SLC25A37: variants seen among roughly 807,000 people sequenced by gnomAD.
SLC25A37 encodes mitoferrin-1.
A neutral mutation model predicts 31.0 loss-of-function variants in SLC25A37; 17 were observed. That is an observed-to-expected ratio of 0.55 (90% CI 0.38 to 0.82). The LOEUF (loss-of-function observed/expected upper bound fraction) is 0.82, where lower values mean the gene tolerates loss of function less well. SLC25A37 is among the 40% of genes least tolerant of loss of function. The pLI is 0.00. For missense variants in SLC25A37, 404 were observed against 465.8 expected (o/e 0.87, Z 1.22); for synonymous variants, 222 against 193.0 (o/e 1.15, Z -1.24).
intron 1 of SLC25A37, among the ~76,000 whole-genome samples, chr8:23,531,016 G>T (rs936548083): frequency 4.6e-5 from 7 of 152,182 alleles, no homozygotes; most frequent in Admixed American, 1.3e-4. Flanking sequence ...GTTTTCACCT[G>T]TGGACAGGTT....
chr8:23,529,298 G>C lies in SLC25A37; in HGVS notation c.210+86G>C. ...GCATCCCGCGCGCCGGCAGCCTCGG[G>C]GCAGCGTCCCGAAACCGAGCTCTCC... is the stretch of plus-strand genomic sequence containing the variant. On this transcript the variant is annotated intron_variant, in intron 1 of 3. Transcript: ENST00000519973. This position sits in a 1 kb window ranked among gnomAD's most constrained non-coding sequence, Gnocchi z 4.1. 1 of 1,362,604 alleles carries C rather than the reference G, an allele frequency of 7.3e-7. No individual in the cohort carries two copies. The highest frequency in any genetic ancestry group is 9.9e-7 in the Non-Finnish European group (1 of 1,013,646). The allele number at this position is 1,362,604 out of a possible 1,614,324, so 84.4% of individuals were successfully genotyped here.
chr8:23,573,684 T>C lies in SLC25A37; in HGVS notation c.*1829T>C. On this transcript the variant is annotated 3_prime_UTR_variant, in exon 4 of 4. Coordinates refer to ENST00000519973, the MANE Select transcript of SLC25A37 (RefSeq NM_016612.4). ...GAAGAATTTTATCAGTCAGTGGAGT[T>C]CCTTTTTCAGATCAGGGATGGGAAA... 1 of 423,948 alleles carries C rather than the reference T, an allele frequency of 2.4e-6. No individual in the cohort carries two copies. Among genetic ancestry groups the C allele is most frequent in the Non-Finnish European group, 4.9e-6 (1 of 205,122 alleles). The allele number at this position is 423,948 out of a possible 1,614,324, so 26.3% of individuals were successfully genotyped here.
rs188922556 is a variant in SLC25A37, at chr8:23,568,198, C to T, written c.440-124C>T. ...TTTTAAGAGTCAGTGCTCACCTGGG[C>T]GGAGCTGGTAGTACATTTTGCTTCT... is the stretch of plus-strand genomic sequence containing the variant. On this transcript the variant is annotated intron_variant, in intron 2 of 3. Coordinates refer to ENST00000519973, the MANE Select transcript of SLC25A37 (RefSeq NM_016612.4). 543 of 936,224 alleles carry T rather than the reference C, an allele frequency of 5.8e-4. 5 individuals carry two copies. In the East Asian group the frequency reaches 9.7e-3, roughly 17 times the overall value. 58.0% of individuals were successfully genotyped at this position (936,224 alleles called of 1,614,324 possible). A position where few individuals can be genotyped will look rare whatever the true frequency, so the allele number is the denominator to read the frequency against.
chr8:23,548,689 C>CTA (rs1183450649), intron 1 of SLC25A37, among the ~76,000 whole-genome samples: 1 of 152,106 alleles, frequency 6.6e-6, no homozygotes, highest in Non-Finnish European at 1.5e-5. Context: ...AGGCTGGTCT[C>CTA]AAATTCCCGA....
Position 23,573,766 on chromosome 8 carries a change from T to G in SLC25A37, c.*1911T>G. 4.4e-6 allele frequency: 2 copies of G among 455,344 alleles called. No individual in the cohort carries two copies. The highest frequency in any genetic ancestry group is 3.1e-5 in the South Asian group (2 of 64,488). 28.2% of individuals were successfully genotyped at this position (455,344 alleles called of 1,614,324 possible). ...CGTGAACAGCCCTTTGCAGCTGGGC[T>G]GTGGGGCTTGGCTGCTGCCCTGTCC... On this transcript the variant is annotated 3_prime_UTR_variant, in exon 4 of 4. Coordinates refer to ENST00000519973, the MANE Select transcript of SLC25A37 (RefSeq NM_016612.4).
intron 2 of SLC25A37, chr8:23,568,039 A>C: frequency 2.1e-6 from 1 of 470,872 alleles, no homozygotes; most frequent in East Asian, 4.3e-5. Flanking sequence ...GGAACCACCA[A>C]CACTTGCAGG....
In SLC25A37 at chr8:23,573,543, C is replaced by T. The variant is rs911191815; in HGVS notation, c.*1688C>T. 3 of 263,988 alleles carry T rather than the reference C, an allele frequency of 1.1e-5. No homozygotes were observed. Among genetic ancestry groups the T allele is most frequent in the Admixed American group, 4.6e-5 (1 of 21,614 alleles). The allele number at this position is 263,988 out of a possible 1,614,324, so 16.4% of individuals were successfully genotyped here. A position where few individuals can be genotyped will look rare whatever the true frequency, so the allele number is the denominator to read the frequency against. ...AGCGTGGTGCATCTTACCGAGGAGG[C>T]GCAGGCCTGGATTCTTTTGAGTGGT... On this transcript the variant is annotated 3_prime_UTR_variant, in exon 4 of 4. Transcript: ENST00000519973.
chr8:23,546,963 C>G (rs960574129), intron 1 of SLC25A37, among the ~76,000 whole-genome samples: 1 of 152,042 alleles, frequency 6.6e-6, no homozygotes, highest in Admixed American at 6.5e-5. Context: ...CTGCTCCCCC[C>G]ACAGGCTTCT....
Position 23,568,665 on chromosome 8 carries a change from G to A in SLC25A37, c.496+287G>A, listed in dbSNP as rs566316426. 3 of 424,956 alleles carry A rather than the reference G, an allele frequency of 7.1e-6. No individual in the cohort carries two copies. The East Asian group carries it at 1.4e-4, about 20-fold the overall frequency. 26.3% of individuals were successfully genotyped at this position (424,956 alleles called of 1,614,324 possible). On this transcript the variant is annotated intron_variant, in intron 3 of 3. Transcript: ENST00000519973. ...TTGGAAATGCTAATTCTGAGGCTGG[G>A]TGCAGTGGCTCATGCCTGTAATCCC...
chr8:23,552,181 G>C (rs1423583371), intron 1 of SLC25A37, among the ~76,000 whole-genome samples: 1 of 152,148 alleles, frequency 6.6e-6, no homozygotes, highest in Non-Finnish European at 1.5e-5. Context: ...ATTAACCTAG[G>C]TGGTGGTTTT....
At chr8:23,569,906 C>T (rs1471355958) in intron 3 of SLC25A37, among the ~76,000 whole-genome samples, 1 of 152,172 alleles carries the variant, frequency 6.6e-6, no homozygotes, top group African/African-American at 2.4e-5. Context: ...GAAAATAGTT[C>T]CTGGCCAGAA....
rs868678214 is a variant in SLC25A37 at position 23,573,732 on chromosome 8, C to T, written c.*1877C>T. ...AAAGAGCCAAACTGGGTACCTCCCA[C>T]GTGTGCCCCGTGAACAGCCCTTTGC... On this transcript the variant is annotated 3_prime_UTR_variant, in exon 4 of 4. Coordinates refer to ENST00000519973, the MANE Select transcript of SLC25A37 (RefSeq NM_016612.4). 1.3e-5 allele frequency: 6 copies of T among 446,254 alleles called. No individual in the cohort carries two copies. Among genetic ancestry groups the T allele is most frequent in the African/African-American group, 1.0e-4 (5 of 49,878 alleles). 27.6% of individuals were successfully genotyped at this position (446,254 alleles called of 1,614,324 possible).
intron 1 of SLC25A37, among the ~76,000 whole-genome samples, chr8:23,565,535 G>A (rs1184506054): frequency 6.6e-6 from 1 of 152,042 alleles, no homozygotes; most frequent in Admixed American, 6.6e-5. Context: ...ATATTTAAGT[G>A]CCAACTTATG....
chr8:23,550,922 T>C (rs561949649), intron 1 of SLC25A37, among the ~76,000 whole-genome samples: 7 of 152,336 alleles, frequency 4.6e-5, no homozygotes, highest in Middle Eastern at 3.4e-3. Flanking sequence ...ATAGCTGAAC[T>C]TGGGCGGCCT....
chr8:23,538,927 G>T (rs565505929), intron 1 of SLC25A37, among the ~76,000 whole-genome samples: 1 of 152,268 alleles, frequency 6.6e-6, no homozygotes, highest in East Asian at 1.9e-4. Context: ...TCTGGAATTT[G>T]TTCTTTCTCC....
At chr8:23,551,479 T>A (rs1802223438) in intron 1 of SLC25A37, among the ~76,000 whole-genome samples, 2 of 151,358 alleles carry the variant, frequency 1.3e-5, no homozygotes, top group Admixed American at 6.6e-5. Flanking sequence ...GTGAGAGTGC[T>A]CCCAACCAGG....
At position 23,529,432 on chromosome 8, in the gene SLC25A37, G is replaced by C. The variant is rs1364029824; in HGVS notation, c.210+220G>C. Among the ~76,000 whole-genome samples, 4 of 151,702 alleles carry C rather than the reference G, an allele frequency of 2.6e-5. No homozygotes were observed. Among genetic ancestry groups the C allele is most frequent in the African/African-American group, 9.7e-5 (4 of 41,388 alleles). On this transcript the variant is annotated intron_variant, in intron 1 of 3. Coordinates refer to ENST00000519973, the MANE Select transcript of SLC25A37 (RefSeq NM_016612.4). The surrounding 1 kb of genome is among the most constrained non-coding windows in gnomAD (Gnocchi z 4.1). The stretch of plus-strand genomic sequence containing the variant: ...GCCCGGTCCTCGCCCCGCACCGCCC[G>C]CTGCTCCAGCCGCGTGCCCGGCCCC...
intron 1 of SLC25A37, among the ~76,000 whole-genome samples, chr8:23,559,800 A>T (rs554739043): frequency 2.0e-5 from 3 of 152,292 alleles, no homozygotes; most frequent in South Asian, 4.1e-4. Context: ...GTTGTCAAGA[A>T]CTATCTATGT....
chr8:23,559,337 T>TTG (rs746195333), intron 1 of SLC25A37, among the ~76,000 whole-genome samples: 65 of 133,288 alleles, frequency 4.9e-4, no homozygotes, highest in Non-Finnish European at 6.1e-4. Context: ...CTGTCTCCGG[T>TTG]TGTGTGTGTG....
Sources: gnomAD v4.1 joint callset for allele counts (sites outside exome capture counted in the v4.1 genomes callset) on GRCh38, gnomAD v4.1.1 for gene constraint, Gnocchi (gnomAD v3.1) non-coding constraint, MANE v1.5 for transcripts, NCBI Gene and HGNC (gene_info 2026-07-23, HGNC 2026-07-21) for gene names.